B3GLCT: variants seen among roughly 807,000 people sequenced by gnomAD.
B3GLCT encodes the protein beta 3-glucosyltransferase.
A neutral mutation model predicts 63.4 loss-of-function variants in B3GLCT; 65 were observed. That is an observed-to-expected ratio of 1.03 (90% confidence interval 0.84 to 1.26). The LOEUF (loss-of-function observed/expected upper bound fraction) is 1.26. Among genes scored for constraint, B3GLCT ranks in the 50% most tolerant of loss-of-function variants. B3GLCT has a pLI of 0.00. For synonymous variants in B3GLCT, 233 were observed against 219.2 expected, an observed-to-expected ratio of 1.06 and a Z score of -0.55; for missense variants, 577 against 604.8, an observed-to-expected ratio of 0.95 and a Z score of 0.48.
chr13:31,309,140 G>A (rs756561431), intron 12 of B3GLCT, among the ~76,000 whole-genome samples: 2 of 152,056 alleles, frequency 1.3e-5, no homozygotes, highest in Non-Finnish European at 2.9e-5. Flanking sequence ...AGGAATCAAG[G>A]GTTTCTCATC....
intron 12 of B3GLCT, among the ~76,000 whole-genome samples, chr13:31,302,354 C>A (rs1489560122): frequency 6.6e-6 from 1 of 151,984 alleles, no homozygotes; most frequent in Non-Finnish European, 1.5e-5. Flanking sequence ...CAGCTCCGGT[C>A]TACAGCTCCC....
At chr13:31,252,901 G>C (rs1341001876) in intron 6 of B3GLCT, among the ~76,000 whole-genome samples, 1 of 152,190 alleles carries the variant, frequency 6.6e-6, no homozygotes, top group Non-Finnish European at 1.5e-5. Flanking sequence ...CAAATCAACA[G>C]AATATACATT....
chr13:31,302,475 G>C (rs1047700472), intron 12 of B3GLCT, among the ~76,000 whole-genome samples: 2 of 138,242 alleles, frequency 1.4e-5, no homozygotes. Flanking sequence ...TGTGCGCACC[G>C]TGCGCGAGCC....
intron 1 of B3GLCT, among the ~76,000 whole-genome samples, chr13:31,203,130 G>A (rs1868768561): frequency 6.6e-6 from 1 of 152,140 alleles, no homozygotes; most frequent in African/African-American, 2.4e-5. Flanking sequence ...ATTGGGGATG[G>A]TTTTTCATTC....
intron 12 of B3GLCT, among the ~76,000 whole-genome samples, chr13:31,292,028 G>T (rs1240853886): frequency 6.6e-6 from 1 of 152,078 alleles, no homozygotes; most frequent in Non-Finnish European, 1.5e-5. Context: ...GCATGAAGGG[G>T]TGTTGAATTT....
intron 1 of B3GLCT, among the ~76,000 whole-genome samples, chr13:31,214,003 T>C (rs576275113): frequency 3.0e-4 from 46 of 152,082 alleles, no homozygotes; most frequent in African/African-American, 1.1e-3. Flanking sequence ...CAAATGTTAA[T>C]GCAGGATTTG....
Position 31,323,891 on chromosome 13 carries a change from A to C in B3GLCT, c.1325A>C (p.His442Pro). 1 of 1,614,150 alleles carries C rather than the reference A, an allele frequency of 6.2e-7. No homozygotes were observed. ...GIPVTHSPLF[H>P]QARPVDYPKD... ...CCTGTGACACACAGCCCTCTCTTCC[A>C]TCAGGTGAGGAAATGGTTTTTATTC... is the stretch of plus-strand genomic sequence containing the variant. Residue 442 changes from histidine (H) to proline (P), a missense_variant, in exon 14 of 15, where the codon CAT becomes CCT. His to Pro is a moderately conservative substitution (Grantham distance 77). Transcript: ENST00000343307.
At chr13:31,208,373 C>T (rs1032962703) in intron 1 of B3GLCT, among the ~76,000 whole-genome samples, 4 of 152,144 alleles carry the variant, frequency 2.6e-5, no homozygotes, top group African/African-American at 9.7e-5. Flanking sequence ...GGCTTCCGTT[C>T]TGGTGCGCTG....
intron 1 of B3GLCT, among the ~76,000 whole-genome samples, chr13:31,207,091 G>A (rs977019487): frequency 2.0e-5 from 3 of 152,086 alleles, no homozygotes; most frequent in Admixed American, 2.0e-4. Flanking sequence ...ACTGAAAGGG[G>A]TACTTACTTT....
intron 12 of B3GLCT, among the ~76,000 whole-genome samples, chr13:31,308,361 C>CAAAAAAAAAA (rs77115717): frequency 1.5e-5 from 1 of 65,628 alleles, no homozygotes; most frequent in Non-Finnish European, 2.9e-5. Context: ...AAAAAAAAAA[C>CAAAAAAAAAA]AAAAAAAAAA....
At chr13:31,296,557 A>C (rs1308963640) in intron 12 of B3GLCT, among the ~76,000 whole-genome samples, 1 of 152,230 alleles carries the variant, frequency 6.6e-6, no homozygotes, top group Non-Finnish European at 1.5e-5. Flanking sequence ...ATTAGATTTC[A>C]ACATATGATA....
intron 6 of B3GLCT, among the ~76,000 whole-genome samples, chr13:31,253,529 C>T (rs1871544991): frequency 7.7e-6 from 1 of 130,016 alleles, no homozygotes; most frequent in African/African-American, 2.9e-5. Flanking sequence ...GCAGGTGGAG[C>T]TTGCAGCAGT....
intron 3 of B3GLCT, among the ~76,000 whole-genome samples, chr13:31,227,995 C>T (rs1384461273): frequency 6.6e-6 from 1 of 152,210 alleles, no homozygotes; most frequent in African/African-American, 2.4e-5. Context: ...GGAGGCCTAA[C>T]GTGTTTCTCT....
At chr13:31,323,664 TA>T in intron 13 of B3GLCT, 86 bp from the exon 14 acceptor site, 1 of 1,486,382 alleles carries the variant, frequency 6.7e-7, no homozygotes, top group Non-Finnish European at 9.4e-7. Context: ...TCTGCAGGAG[TA>T]AAGTCCTGTT....
At chr13:31,326,197 C>A (rs1294250426) in intron 14 of B3GLCT, among the ~76,000 whole-genome samples, 1 of 151,008 alleles carries the variant, frequency 6.6e-6, no homozygotes, top group Non-Finnish European at 1.5e-5. Context: ...TTTTAATCTC[C>A]ATTTGCTGCC....
At chr13:31,311,292 G>C (rs1261130389) in intron 12 of B3GLCT, 1 of 152,302 alleles carries the variant, frequency 6.6e-6, no homozygotes, top group African/African-American at 2.4e-5. Flanking sequence ...CACCAGGACA[G>C]TGGACAGCTC....
At chr13:31,211,605 A>G (rs1462522427) in intron 1 of B3GLCT, among the ~76,000 whole-genome samples, 1 of 151,414 alleles carries the variant, frequency 6.6e-6, no homozygotes, top group Non-Finnish European at 1.5e-5. Flanking sequence ...TTTTTTTTAA[A>G]GGGATATTTT....
intron 12 of B3GLCT, among the ~76,000 whole-genome samples, chr13:31,311,027 G>A (rs892545715): frequency 7.9e-5 from 12 of 152,332 alleles, no homozygotes; most frequent in Admixed American, 5.9e-4. Flanking sequence ...GGCCAGAGGT[G>A]CAGCTGGCCA....
intron 14 of B3GLCT, among the ~76,000 whole-genome samples, chr13:31,328,655 T>C (rs888065120): frequency 4.2e-5 from 5 of 118,980 alleles, no homozygotes; most frequent in Non-Finnish European, 8.0e-5. Flanking sequence ...ATTGCCCCAC[T>C]GCACTCCAGC....
Sources: gnomAD v4.1 joint callset for allele counts (sites outside exome capture counted in the v4.1 genomes callset) on GRCh38, gnomAD v4.1.1 for gene constraint, MANE v1.5 for transcripts, NCBI Gene and HGNC (gene_info 2026-07-23, HGNC 2026-07-21) for gene names.